The following AADAC variants were observed in gnomAD, a reference collection of about 807,000 sequenced individuals.
AADAC encodes arylacetamide deacetylase (esterase).
Under a neutral mutation model 22.7 loss-of-function variants are expected in AADAC, and 17 were observed. The observed-to-expected ratio is 0.75, with a 90% CI of 0.51 to 1.12. AADAC has a LOEUF of 1.12. AADAC is among the 50% of genes most tolerant of loss of function. The pLI is 0.00. For synonymous variants in AADAC, 167 were observed against 176.3 expected, an observed-to-expected ratio of 0.95 and a Z score of 0.42; for missense variants, 465 against 473.9, an observed-to-expected ratio of 0.98 and a Z score of 0.17.
intron 2 of AADAC, among the ~76,000 whole-genome samples, chr3:151,820,005 T>C (rs1216329673): frequency 6.6e-6 from 1 of 152,086 alleles, no homozygotes; most frequent in East Asian, 1.9e-4. Flanking sequence ...TGACAACGTA[T>C]TGATCAAGTT....
chr3:151,816,781 G>A (rs542751483), intron 1 of AADAC, among the ~76,000 whole-genome samples: 1 of 152,012 alleles, frequency 6.6e-6, no homozygotes, highest in South Asian at 2.1e-4. Context: ...ACTATCTTGA[G>A]GTTACAGAAA....
rs143873617 is a variant in AADAC, at chr3:151,821,500, C to T, written c.431+1048C>T. ...TGAACAGTTAAAAAAATAACATACT[C>T]ATCACCATTTGTCAAGTTAAATCAT... is the stretch of plus-strand genomic sequence containing the variant. On this transcript the variant is annotated intron_variant, in intron 3 of 4. Coordinates refer to ENST00000232892, the MANE Select transcript of AADAC (RefSeq NM_001086.3). 1.5e-3 allele frequency among the ~76,000 whole-genome samples: 221 copies of T among 152,028 alleles called. 1 individual carries two copies. Among genetic ancestry groups the T allele is most frequent in the African/African-American group, 5.1e-3 (213 of 41,538 alleles).
intron 4 of AADAC, among the ~76,000 whole-genome samples, chr3:151,826,535 G>C (rs1239030781): frequency 2.6e-5 from 4 of 151,612 alleles, no homozygotes; most frequent in Non-Finnish European, 4.4e-5. Flanking sequence ...AAATATTTGG[G>C]GTTACATCTA....
At chr3:151,826,938 A>C (rs889721220) in intron 4 of AADAC, among the ~76,000 whole-genome samples, 1 of 151,834 alleles carries the variant, frequency 6.6e-6, no homozygotes, top group Non-Finnish European at 1.5e-5. Flanking sequence ...TTTTTGAGAC[A>C]GTGTGTCACT....
chr3:151,820,514 T>G, intron 3 of AADAC, 62 bp downstream of exon 3: 1 of 1,037,096 alleles, frequency 9.6e-7, no homozygotes, highest in Non-Finnish European at 1.3e-6. Context: ...TTTCTCAGCT[T>G]TCTTTTTTTT....
At chr3:151,815,439 A>AT (rs1461649987) in intron 1 of AADAC, among the ~76,000 whole-genome samples, 1 of 152,084 alleles carries the variant, frequency 6.6e-6, no homozygotes, top group African/African-American at 2.4e-5. Context: ...GTTAGAAGCC[A>AT]TATCATACAG....
rs1716582102 is a variant in AADAC, at chr3:151,828,028, T to C, written c.1056T>C (p.Tyr352=). ...TCTTAAGAGATGATGGACTCATGTATGTCACCCGACTTCGCAACACTGGGG... is the reference window on the plus strand; with the variant it reads ...TCTTAAGAGATGATGGACTCATGTACGTCACCCGACTTCGCAACACTGGGG... ...YDLLRDDGLM[Y]VTRLRNTGVQ... The change falls in exon 5 of 5, where the codon TAT becomes TAC. Residue 352 remains tyrosine, a synonymous_variant. Transcript: ENST00000232892. 6.2e-7 allele frequency: 1 copy of C among 1,613,234 alleles called. No homozygotes were observed. The highest frequency in any genetic ancestry group is 1.3e-5 in the African/African-American group (1 of 74,846).
chr3:151,817,877 G>A (rs748275656), intron 2 of AADAC, among the ~76,000 whole-genome samples: 59 of 151,984 alleles, frequency 3.9e-4, no homozygotes, highest in Non-Finnish European at 6.8e-4. Context: ...TGATATTACA[G>A]AACCATTTAA....
chr3:151,820,463 T>C lies in AADAC; in HGVS notation c.431+11T>C. The stretch of plus-strand genomic sequence containing the variant: ...CGTCGTATCAACCAAGTAAGAGCTG[T>C]GCTGTTTGGTTTCCTGGCCAGATGT... On this transcript the variant is annotated intron_variant, in intron 3 of 4. Transcript: ENST00000232892. 6.5e-7 allele frequency: 1 copy of C among 1,540,518 alleles called. No homozygotes were observed.
chr3:151,821,819 TCA>T (rs1329054860), intron 3 of AADAC, among the ~76,000 whole-genome samples: 1 of 151,938 alleles, frequency 6.6e-6, no homozygotes, highest in African/African-American at 2.4e-5. Context: ...TCAAATATTC[TCA>T]TTTTATTTAT....
At chr3:151,826,893 CTTA>C in intron 4 of AADAC, among the ~76,000 whole-genome samples, 1 of 151,944 alleles carries the variant, frequency 6.6e-6, no homozygotes, top group South Asian at 2.1e-4. Flanking sequence ...CATGGCAAAG[CTTA>C]TTGATATACT....
intron 3 of AADAC, among the ~76,000 whole-genome samples, chr3:151,823,285 A>G (rs1280064330): frequency 3.3e-5 from 5 of 151,714 alleles, no homozygotes; most frequent in Non-Finnish European, 7.4e-5. Context: ...CTCCCCGCAA[A>G]AAAAAAAAAT....
Position 151,827,651 on chromosome 3 carries a change from G to T in AADAC, c.679G>T (p.Val227Leu), listed in dbSNP as rs758400162. 64 of 1,611,848 alleles carry T rather than the reference G, an allele frequency of 4.0e-5. No homozygotes were observed. The highest frequency in any genetic ancestry group is 5.2e-5 in the Non-Finnish European group (61 of 1,178,718). ...TTATCCTGCCCTTCAGCCTCTTGAT[G>T]TAGATTTACCGTCATATCAAGAAAA... ...LIYPALQPLD[V>L]DLPSYQENSN... Residue 227 changes from valine to leucine, a missense_variant, in exon 5 of 5, where the codon GTA becomes TTA. Physicochemically the swap from Val to Leu is conservative, Grantham distance 32 (BLOSUM62 1). Coordinates refer to ENST00000232892, the MANE Select transcript of AADAC (RefSeq NM_001086.3).
chr3:151,817,628 T>C, intron 2 of AADAC, 40 bp downstream of exon 2: 1 of 1,577,626 alleles, frequency 6.3e-7, no homozygotes, highest in Non-Finnish European at 8.7e-7. Context: ...ACTGAGGTAG[T>C]TCGCAGACAT....
intron 2 of AADAC, among the ~76,000 whole-genome samples, chr3:151,818,488 C>A (rs1469738510): frequency 1.3e-5 from 2 of 151,950 alleles, no homozygotes; most frequent in Non-Finnish European, 2.9e-5. Flanking sequence ...CAGAGAGTCA[C>A]CAGCGCTGCC....
In AADAC at chr3:151,828,265, T is replaced by A; in HGVS notation, c.*93T>A. 1 of 707,538 alleles carries A rather than the reference T, an allele frequency of 1.4e-6. No homozygotes were observed. Among genetic ancestry groups the A allele is most frequent in the Non-Finnish European group, 2.1e-6 (1 of 469,724 alleles). 43.8% of individuals were successfully genotyped at this position (707,538 alleles called of 1,614,324 possible). ...TTGGTCTTTCTTAGAATGGTCTAGT[T>A]AAGTTCCACATGTAGCATAATTCTT... is the stretch of plus-strand genomic sequence containing the variant. On this transcript the variant is annotated 3_prime_UTR_variant, in exon 5 of 5. Transcript: ENST00000232892.
At chr3:151,816,705 A>G (rs1031570753) in intron 1 of AADAC, among the ~76,000 whole-genome samples, 2 of 152,068 alleles carry the variant, frequency 1.3e-5, no homozygotes, top group Admixed American at 6.6e-5. Flanking sequence ...CATTTTTAGC[A>G]TACATAATAG....
At chr3:151,819,906 T>C (rs1716163948) in intron 2 of AADAC, among the ~76,000 whole-genome samples, 1 of 152,060 alleles carries the variant, frequency 6.6e-6, no homozygotes, top group Non-Finnish European at 1.5e-5. Context: ...TCCACTTATA[T>C]TCAGGTGCCT....
At chr3:151,822,278 A>G (rs1716283214) in intron 3 of AADAC, among the ~76,000 whole-genome samples, 1 of 152,040 alleles carries the variant, frequency 6.6e-6, no homozygotes, top group African/African-American at 2.4e-5. Flanking sequence ...CAGAGTTACC[A>G]TATTGACCCA....
Sources: gnomAD v4.1 joint callset for allele counts (sites outside exome capture counted in the v4.1 genomes callset) on GRCh38, gnomAD v4.1.1 for gene constraint, MANE v1.5 for transcripts, NCBI Gene and HGNC (gene_info 2026-07-23, HGNC 2026-07-21) for gene names.